The following TSC2 variants were observed in gnomAD, a reference collection of about 807,000 sequenced individuals.
TSC2 encodes tuberin.
In TSC2, 29 loss-of-function variants were observed where a neutral mutation model predicts 202.2. The observed-to-expected ratio is 0.14, with a 90% CI of 0.11 to 0.20. The LOEUF (loss-of-function observed/expected upper bound fraction) is 0.20, where lower values mean the gene tolerates loss of function less well. TSC2 is among the 10% of genes least tolerant of loss of function. The pLI is 1.00. For missense variants in TSC2, 2,429 were observed against 2,420.0 expected, an observed-to-expected ratio of 1.00 and a Z score of -0.08; for synonymous variants, 1,349 against 1,044.0, an observed-to-expected ratio of 1.29 and a Z score of -5.63.
At chr16:2,080,901 C>T (rs756543454) in intron 30 of TSC2, 2 of 168,994 alleles carry the variant, frequency 1.2e-5, no homozygotes, top group Non-Finnish European at 2.6e-5. Flanking sequence ...GTTGCCCTCC[C>T]CGCCTGGAGG....
In TSC2 at chr16:2,079,518, G is replaced by C. The variant is rs1392561449; in HGVS notation, c.3285-39G>C. The C allele has an allele frequency of 1.2e-6, 2 of 1,605,542 alleles. No individual in the cohort carries two copies. The highest frequency in any genetic ancestry group is 1.1e-5 in the South Asian group (1 of 90,162). On this transcript the variant is annotated intron_variant, in intron 28 of 41. Transcript: ENST00000219476. The surrounding 1 kb of genome is among the most constrained non-coding windows in gnomAD (Gnocchi z 4.6). The stretch of plus-strand genomic sequence containing the variant: ...CACGTGGCACCCTCGTACCAGCCTG[G>C]GGACTAAGTCCACCCTGTGCGTGGG...
chr16:2,051,480 G>A (rs1182925054), intron 3 of TSC2, among the ~76,000 whole-genome samples: 1 of 152,190 alleles, frequency 6.6e-6, no homozygotes, highest in Non-Finnish European at 1.5e-5. Flanking sequence ...GAGGGTGACT[G>A]GTCGGTGGTA....
At chr16:2,049,376 G>GTCAAGTGAATCTTGATTC in intron 2 of TSC2, among the ~76,000 whole-genome samples, 1 of 151,956 alleles carries the variant, frequency 6.6e-6, no homozygotes, top group Non-Finnish European at 1.5e-5. Context: ...ATGAGCCATC[G>GTCAAGTGAATCTTGATTC]CACATGGGCT....
At position 2,079,492 on chromosome 16, in the gene TSC2, CCACGT is replaced by C; in HGVS notation, c.3285-64_3285-60del. On this transcript the variant is annotated intron_variant, in intron 28 of 41. Coordinates refer to ENST00000219476, the MANE Select transcript of TSC2 (RefSeq NM_000548.5). This position sits in a 1 kb window ranked among gnomAD's most constrained non-coding sequence, Gnocchi z 4.6. ...GACACCGGCTGTCCCGAGCCCAGGCCCACGTGGCACCCTCGTACCAGCCTGGGGAC... is the reference window on the plus strand; with the variant it reads ...GACACCGGCTGTCCCGAGCCCAGGCCGGCACCCTCGTACCAGCCTGGGGAC... 2 of 1,608,680 alleles carry C rather than the reference CCACGT, an allele frequency of 1.2e-6. No homozygotes were observed. The highest frequency in any genetic ancestry group is 1.7e-6 in the Non-Finnish European group (2 of 1,178,156).
At chr16:2,056,827 C>T (rs2151083294) in intron 8 of TSC2, 58 bp downstream of exon 8, 1 of 1,599,458 alleles carries the variant, frequency 6.3e-7, no homozygotes, top group Non-Finnish European at 8.5e-7. Flanking sequence ...GGGACAAGGG[C>T]CATCCTGTCT....
At chr16:2,080,419 C>G (rs1172130004) in intron 30 of TSC2, 42 bp downstream of exon 30, 1 of 1,593,614 alleles carries the variant, frequency 6.3e-7, no homozygotes. Flanking sequence ...TTCTGCCAGT[C>G]ACCCACAGAG....
At chr16:2,070,396 CTGT>C in intron 16 of TSC2, 57 bp from the exon 17 acceptor site, 1 of 1,612,868 alleles carries the variant, frequency 6.2e-7, no homozygotes, top group Non-Finnish European at 8.5e-7. Context: ...GACAAGGGTG[CTGT>C]CTTAGGACTG....
chr16:2,088,782 C>T lies in TSC2; in HGVS notation c.*172C>T, dbSNP rs776059099. Reference sequence around the variant, plus strand: ...TGGGGGGGTGTCGAGGCTCTAGAAGCGGCCATGCCCACAGAAGTGGTACAC... The same window carrying T: ...TGGGGGGGTGTCGAGGCTCTAGAAGTGGCCATGCCCACAGAAGTGGTACAC... On this transcript the variant is annotated 3_prime_UTR_variant, in exon 42 of 42. Transcript: ENST00000219476. 1.4e-4 allele frequency: 126 copies of T among 887,150 alleles called. No homozygotes were observed. The highest frequency in any genetic ancestry group is 1.1e-3 in the East Asian group (41 of 37,394). 55.0% of individuals were successfully genotyped at this position (887,150 alleles called of 1,614,324 possible).
intron 1 of TSC2, 73 bp downstream of exon 1, chr16:2,048,138 G>A (rs2084582468): frequency 3.9e-6 from 6 of 1,521,544 alleles, no homozygotes; most frequent in Non-Finnish European, 5.3e-6. Flanking sequence ...ACCCCGCAGT[G>A]TCCGGGTCCC....
rs1298008047 is a variant in TSC2, at chr16:2,086,511, C to A, written c.4849+132C>A. The A allele has an allele frequency of 7.0e-6, 10 of 1,430,278 alleles. No individual in the cohort carries two copies. In the East Asian group the frequency reaches 2.0e-4, roughly 28 times the overall value. The allele number at this position is 1,430,278 out of a possible 1,614,324, so 88.6% of individuals were successfully genotyped here. On this transcript the variant is annotated intron_variant, in intron 37 of 41. Coordinates refer to ENST00000219476, the MANE Select transcript of TSC2 (RefSeq NM_000548.5). ...GCTCCAGCTCCCCACGCCTCAGGTT[C>A]CGAGCCTAACAGCGTGGGCATGGAG...
chr16:2,088,866 C>CGTGCGT lies in TSC2; in HGVS notation c.*257_*258insTGCGTG, dbSNP rs1555442378. On this transcript the variant is annotated 3_prime_UTR_variant, in exon 42 of 42. Coordinates refer to ENST00000219476, the MANE Select transcript of TSC2 (RefSeq NM_000548.5). ...GGCTGCCTGGGCCATACAGCACACT[C>CGTGCGT]GCGCGTGCGCGCGCGCACACACACA... 1 of 505,208 alleles carries CGTGCGT rather than the reference C, an allele frequency of 2.0e-6. No individual in the cohort carries two copies. Among genetic ancestry groups the CGTGCGT allele is most frequent in the African/African-American group, 2.7e-5 (1 of 37,252 alleles). 31.3% of individuals were successfully genotyped at this position (505,208 alleles called of 1,614,324 possible). A position where few individuals can be genotyped will look rare whatever the true frequency, so the allele number is the denominator to read the frequency against.
chr16:2,077,037 G>C (rs760662161), intron 25 of TSC2, among the ~76,000 whole-genome samples: 1 of 152,210 alleles, frequency 6.6e-6, no homozygotes, highest in Non-Finnish European at 1.5e-5. Flanking sequence ...CTTCCTGCCC[G>C]AGCTATTTTG....
rs139630605 is a variant in TSC2 at position 2,084,317 on chromosome 16, G to C, written c.4095G>C (p.Ser1365=). ...RGIPIERVVS[S]EGGRPSVDLS... is the part of the protein sequence containing the mutation. ...TCCCCATCGAGCGAGTCGTCTCCTC[G>C]GAGGGTGGCCGGCCCTCTGTGGACC... is the stretch of plus-strand genomic sequence containing the variant. The change falls in exon 34 of 42, where the codon TCG becomes TCC. Residue 1365 remains serine (S), a synonymous_variant. Transcript: ENST00000219476. 1.2e-6 allele frequency: 2 copies of C among 1,612,738 alleles called. No homozygotes were observed. Among genetic ancestry groups the C allele is most frequent in the East Asian group, 4.5e-5 (2 of 44,886 alleles).
rs1455146146 is a variant in TSC2 at position 2,087,846 on chromosome 16, T to C, written c.4990-17T>C. ...ACACGCTGTGTGCGGGGATGACCCTTTCTCTTGTCCGGGCAGGGCCAGTTC... is the reference window on the plus strand; with the variant it reads ...ACACGCTGTGTGCGGGGATGACCCTCTCTCTTGTCCGGGCAGGGCCAGTTC... On this transcript the variant is annotated splice_polypyrimidine_tract_variant and intron_variant, in intron 38 of 41. Coordinates refer to ENST00000219476, the MANE Select transcript of TSC2 (RefSeq NM_000548.5). 2 of 1,612,244 alleles carry C rather than the reference T, an allele frequency of 1.2e-6. No individual in the cohort carries two copies. The highest frequency in any genetic ancestry group is 1.7e-5 in the Admixed American group (1 of 59,962).
At position 2,078,504 on chromosome 16, in the gene TSC2, C is replaced by T. The variant is rs139773818; in HGVS notation, c.2967-528C>T. On this transcript the variant is annotated intron_variant, in intron 26 of 41. Transcript: ENST00000219476. ...TTTCTAGCACATTCTGTATCATGAG[C>T]AAAATATTGCCTAGGGGCTATGAAA... The T allele has an allele frequency of 8.0e-4, 161 of 201,090 alleles. 1 individual carries two copies. Among genetic ancestry groups the T allele is most frequent in the African/African-American group, 3.4e-3 (145 of 42,500 alleles). The allele number at this position is 201,090 out of a possible 1,614,324, so 12.5% of individuals were successfully genotyped here. A position where few individuals can be genotyped will look rare whatever the true frequency, so the allele number is the denominator to read the frequency against.
chr16:2,085,073 G>T (rs45517351), intron 35 of TSC2, 47 bp downstream of exon 35: 34 of 1,610,458 alleles, frequency 2.1e-5, no homozygotes, highest in Admixed American at 3.3e-5. Context: ...TGTGTGGCTC[G>T]GGTGAATGGT....
intron 16 of TSC2, among the ~76,000 whole-genome samples, chr16:2,065,897 C>T (rs1198568476): frequency 6.6e-6 from 1 of 152,228 alleles, no homozygotes; most frequent in Non-Finnish European, 1.5e-5. Context: ...CCATCCTCAG[C>T]GTGGCGCTTG....
chr16:2,084,320 G>A lies in TSC2; in HGVS notation c.4098G>A (p.Glu1366=). The part of the protein sequence containing the change: ...GIPIERVVSS[E]GGRPSVDLSF... ...CCATCGAGCGAGTCGTCTCCTCGGAGGGTGGCCGGCCCTCTGTGGACCTCT... is the reference window on the plus strand; with the variant it reads ...CCATCGAGCGAGTCGTCTCCTCGGAAGGTGGCCGGCCCTCTGTGGACCTCT... Residue 1366 remains glutamate (E), a synonymous_variant, in exon 34 of 42, where the codon GAG becomes GAA. Coordinates refer to ENST00000219476, the MANE Select transcript of TSC2 (RefSeq NM_000548.5). 1.2e-6 allele frequency: 2 copies of A among 1,612,728 alleles called. No individual in the cohort carries two copies. Among genetic ancestry groups the A allele is most frequent in the South Asian group, 2.2e-5 (2 of 91,072 alleles).
In TSC2 at chr16:2,056,224, G is replaced by T; in HGVS notation, c.628G>T (p.Ala210Ser). 6.2e-7 allele frequency: 1 copy of T among 1,614,012 alleles called. No homozygotes were observed. The highest frequency in any genetic ancestry group is 8.5e-7 in the Non-Finnish European group (1 of 1,180,030). ...QMICLLCVRT[A>S]SSVDIEVSLQ... ...GATCTGTCTGCTGTGCGTCCGGACC[G>T]CGTCCTCTGTGGACATAGAGGTCAG... is the stretch of plus-strand genomic sequence containing the variant. Residue 210 changes from alanine (A) to serine (S), a missense_variant, in exon 7 of 42, where the codon GCG becomes TCG. Ala to Ser is a moderately conservative substitution (Grantham distance 99). Transcript: ENST00000219476.
Sources: gnomAD v4.1 joint callset for allele counts (sites outside exome capture counted in the v4.1 genomes callset) on GRCh38, gnomAD v4.1.1 for gene constraint, Gnocchi (gnomAD v3.1) non-coding constraint, MANE v1.5 for transcripts, NCBI Gene and HGNC (gene_info 2026-07-23, HGNC 2026-07-21) for gene names.